The following RAI1 variants were observed in gnomAD, a reference collection of about 807,000 sequenced individuals.
RAI1 encodes retinoic acid induced 1, also known as retinoic acid-induced protein 1.
A neutral mutation model predicts 123.8 loss-of-function variants in RAI1; 9 were observed. The ratio of observed to expected loss-of-function variants is 0.07; its 90% CI spans 0.04 to 0.13. RAI1 has a LOEUF of 0.13. Ranked by LOEUF, RAI1 falls within the 10% of genes least tolerant of loss-of-function variation. RAI1 has a pLI of 1.00. For synonymous variants in RAI1, 1,231 were observed against 1,127.3 expected (o/e 1.09, Z -1.84); for missense variants, 2,256 against 2,545.8 (o/e 0.89, Z 2.45).
chr17:17,749,728 C>T lies in RAI1; in HGVS notation c.-17+25569C>T, dbSNP rs139805201. Among the ~76,000 whole-genome samples, 56 of 152,258 alleles carry T rather than the reference C, an allele frequency of 3.7e-4. No individual in the cohort carries two copies. The East Asian group carries it at 8.3e-3, about 23-fold the overall frequency. On this transcript the variant is annotated intron_variant, in intron 2 of 5. Coordinates refer to ENST00000353383, the MANE Select transcript of RAI1 (RefSeq NM_030665.4). Reference sequence around the variant, plus strand: ...TCTCATCTCAGAGAAGCCTTCCTGCCCTGGTTTATTTACTAAGGTTGGTCC... The same window carrying T: ...TCTCATCTCAGAGAAGCCTTCCTGCTCTGGTTTATTTACTAAGGTTGGTCC...
chr17:17,732,221 T>G (rs1005814068), intron 2 of RAI1, among the ~76,000 whole-genome samples: 2 of 152,120 alleles, frequency 1.3e-5, no homozygotes, highest in Non-Finnish European at 2.9e-5. Flanking sequence ...GAAGTGAGCC[T>G]GCGGCTAAAC....
At chr17:17,682,776 G>C (rs1388265542) in intron 1 of RAI1, among the ~76,000 whole-genome samples, 1 of 152,186 alleles carries the variant, frequency 6.6e-6, no homozygotes, top group Non-Finnish European at 1.5e-5. Flanking sequence ...TGGGGCTCTT[G>C]GTCGTTATCC....
intron 1 of RAI1, among the ~76,000 whole-genome samples, chr17:17,720,356 A>C (rs1448068576): frequency 6.6e-6 from 1 of 152,192 alleles, no homozygotes; most frequent in Non-Finnish European, 1.5e-5. Context: ...CTACCATCCC[A>C]GCGAGGAGGG....
intron 2 of RAI1, among the ~76,000 whole-genome samples, chr17:17,735,242 TG>T (rs1266587649): frequency 6.7e-6 from 1 of 149,988 alleles, no homozygotes; most frequent in Admixed American, 6.7e-5. Context: ...TTGGTAGAGA[TG>T]GGGTTTCACC....
intron 2 of RAI1, among the ~76,000 whole-genome samples, chr17:17,725,339 C>T (rs1031993766): frequency 6.6e-6 from 1 of 152,178 alleles, no homozygotes; most frequent in African/African-American, 2.4e-5. Flanking sequence ...TGTTTGTCTC[C>T]TGCGATCCTC....
rs182304745 is a variant in RAI1 at position 17,779,416 on chromosome 17, G to A, written c.-16-13517G>A. Reference sequence around the variant, plus strand: ...CTCCAGGGAGGCCAGGACAGCGTGGGCCCCACAGTTCCCTGTCTTGAAACC... The same window carrying A: ...CTCCAGGGAGGCCAGGACAGCGTGGACCCCACAGTTCCCTGTCTTGAAACC... On this transcript the variant is annotated intron_variant, in intron 2 of 5. Transcript: ENST00000353383. 37 of 160,524 alleles carry A rather than the reference G, an allele frequency of 2.3e-4. 1 individual carries two copies. The South Asian group carries it at 3.8e-3, about 17-fold the overall frequency. The allele number at this position is 160,524 out of a possible 1,614,324, so 9.9% of individuals were successfully genotyped here.
intron 2 of RAI1, among the ~76,000 whole-genome samples, chr17:17,730,269 A>C (rs763971800): frequency 2.0e-5 from 3 of 152,228 alleles, no homozygotes; most frequent in Non-Finnish European, 2.9e-5. Flanking sequence ...TGCCGAGGTC[A>C]GAGCATGGAA....
intron 2 of RAI1, among the ~76,000 whole-genome samples, chr17:17,753,363 G>A (rs748304682): frequency 6.6e-6 from 1 of 152,224 alleles, no homozygotes; most frequent in Non-Finnish European, 1.5e-5. Flanking sequence ...GTGGGGGTTG[G>A]AGTGGTAGAG....
intron 1 of RAI1, among the ~76,000 whole-genome samples, chr17:17,704,393 A>G (rs1915326874): frequency 6.6e-6 from 1 of 152,156 alleles, no homozygotes; most frequent in African/African-American, 2.4e-5. Flanking sequence ...ACAACATGGC[A>G]GTGTGAGGGG....
intron 1 of RAI1, among the ~76,000 whole-genome samples, chr17:17,716,980 A>C (rs114015357): frequency 6.6e-6 from 1 of 152,214 alleles, no homozygotes; most frequent in Non-Finnish European, 1.5e-5. Flanking sequence ...CTTAGGCTGT[A>C]GCAGGCTAAG....
At chr17:17,701,981 T>C (rs1029474020) in intron 1 of RAI1, among the ~76,000 whole-genome samples, 3 of 152,114 alleles carry the variant, frequency 2.0e-5, no homozygotes, top group African/African-American at 7.2e-5. Flanking sequence ...TGTCCTCTAA[T>C]GGAAAAAGGA....
intron 2 of RAI1, among the ~76,000 whole-genome samples, chr17:17,780,926 C>G (rs1383384331): frequency 2.6e-5 from 4 of 152,162 alleles, no homozygotes; most frequent in Admixed American, 1.3e-4. Flanking sequence ...AGGAGTGTCC[C>G]GGGCCCAGCA....
intron 2 of RAI1, chr17:17,759,310 A>G (rs1316340335): frequency 6.6e-6 from 1 of 152,222 alleles, no homozygotes; most frequent in Non-Finnish European, 1.5e-5. Context: ...CACTCTTTGC[A>G]TCTCCAGAAA....
chr17:17,744,789 CAAAAAAAAAAAA>C (rs58984430), intron 2 of RAI1, among the ~76,000 whole-genome samples: 3 of 46,808 alleles, frequency 6.4e-5, no homozygotes, highest in Non-Finnish European at 1.2e-4. Flanking sequence ...GACTCCGTCT[CAAAAAAAAAAAA>C]AAAAAAAAAA....
At chr17:17,779,144 C>T (rs1005803807) in intron 2 of RAI1, 1 of 342,124 alleles carries the variant, frequency 2.9e-6, no homozygotes, top group African/African-American at 2.1e-5. Context: ...AAGGCATCAG[C>T]CGACAACCAA....
chr17:17,706,614 GAGGGAT>G (rs1567836341), intron 1 of RAI1, among the ~76,000 whole-genome samples: 1 of 152,192 alleles, frequency 6.6e-6, no homozygotes, highest in Non-Finnish European at 1.5e-5. Flanking sequence ...GGGAAAGTTT[GAGGGAT>G]CAGAGTAGAG....
intron 1 of RAI1, among the ~76,000 whole-genome samples, chr17:17,702,492 C>T (rs934614171): frequency 1.3e-5 from 2 of 152,242 alleles, no homozygotes; most frequent in African/African-American, 4.8e-5. Flanking sequence ...TGCTGCCCAA[C>T]TCCATGCCCC....
At chr17:17,682,479 G>C (rs1229472401) in intron 1 of RAI1, 1 of 152,074 alleles carries the variant, frequency 6.6e-6, no homozygotes, top group African/African-American at 2.4e-5. Flanking sequence ...CGGGGGCCCC[G>C]GACACGCGAG....
At position 17,797,009 on chromosome 17, in the gene RAI1, G is replaced by T; in HGVS notation, c.4061G>T (p.Gly1354Val). ...TGTAAAGCGCCAGGGGCCTCTCCTG[G>T]TAATCCTCTGAGCCCATCCCTTTCC... ...FACKAPGASP[G>V]NPLSPSLSDK... The change falls in exon 3 of 6, where the codon GGT (glycine) becomes GTT (valine). Residue 1354 changes from glycine (G) to valine (V), a missense_variant. By Grantham distance (109) the Gly-to-Val change is moderately radical (BLOSUM62 -3). This residue lies in a region of RAI1 where 322 missense variants were observed against 358.0 expected (regional missense o/e 0.90). Coordinates refer to ENST00000353383, the MANE Select transcript of RAI1 (RefSeq NM_030665.4). 6.2e-7 allele frequency: 1 copy of T among 1,613,886 alleles called. No individual in the cohort carries two copies. The highest frequency in any genetic ancestry group is 8.5e-7 in the Non-Finnish European group (1 of 1,180,046).
Sources: allele counts gnomAD v4.1 joint callset (sites outside exome capture counted in the v4.1 genomes callset), GRCh38; gene constraint gnomAD v4.1.1; regional missense constraint gnomAD v4.1.1; transcripts MANE v1.5; gene names NCBI Gene and HGNC (gene_info 2026-07-23, HGNC 2026-07-21).